Variants in ATP13A3 observed in about 807,000 individuals in gnomAD.
ATP13A3 encodes the protein polyamine-transporting ATPase 13A3.
A neutral mutation model predicts 158.1 loss-of-function variants in ATP13A3; 59 were observed. That is an observed-to-expected ratio of 0.37 (90% CI 0.30 to 0.46). The LOEUF (loss-of-function observed/expected upper bound fraction) is 0.46. ATP13A3 is among the 20% of genes least tolerant of loss of function. The probability of loss-of-function intolerance (pLI) is 1.00; values close to 1 mark genes in which losing one functional copy is unlikely to be tolerated. For synonymous variants in ATP13A3, 491 were observed against 504.3 expected (o/e 0.97, Z 0.35); for missense variants, 1,166 against 1,525.2 (o/e 0.76, Z 3.92).
chr3:194,430,542 C>T (rs530149744), intron 24 of ATP13A3, among the ~76,000 whole-genome samples: 99 of 152,276 alleles, frequency 6.5e-4, no homozygotes, highest in African/African-American at 2.2e-3. Flanking sequence ...GTCACATTAT[C>T]GGCAAATCAT....
chr3:194,458,068 G>A (rs1018458042), intron 6 of ATP13A3, among the ~76,000 whole-genome samples: 3 of 151,998 alleles, frequency 2.0e-5, no homozygotes, highest in African/African-American at 7.2e-5. Flanking sequence ...TTACAGGCAT[G>A]AGCCACCACC....
chr3:194,492,411 A>G (rs1721156674), intron 2 of ATP13A3, among the ~76,000 whole-genome samples: 1 of 152,128 alleles, frequency 6.6e-6, no homozygotes, highest in Non-Finnish European at 1.5e-5. Context: ...AGTTTCTTGG[A>G]TAAAAGGGTA....
Position 194,457,082 on chromosome 3 carries a change from G to A in ATP13A3, c.560+12C>T. On this transcript the variant is annotated intron_variant, in intron 7 of 33. Coordinates refer to ENST00000645319, the MANE Select transcript of ATP13A3 (RefSeq NM_001367549.1). ...TTTTGAGAAGATCTAACTTTAGTTG[G>A]ATAAAAATTACCTGTAGGCATGCAT... 3 of 1,601,624 alleles carry A rather than the reference G, an allele frequency of 1.9e-6. No homozygotes were observed. Among genetic ancestry groups the A allele is most frequent in the Non-Finnish European group, 2.6e-6 (3 of 1,170,514 alleles).
At chr3:194,435,006 AAGG>A (rs1431351212) in intron 20 of ATP13A3, among the ~76,000 whole-genome samples, 1 of 152,204 alleles carries the variant, frequency 6.6e-6, no homozygotes, top group Non-Finnish European at 1.5e-5. Flanking sequence ...CTCAATGGGG[AAGG>A]AGGAGGGTCT....
intron 2 of ATP13A3, among the ~76,000 whole-genome samples, chr3:194,477,374 G>C (rs1200321446): frequency 6.6e-6 from 1 of 152,200 alleles, no homozygotes; most frequent in Non-Finnish European, 1.5e-5. Flanking sequence ...GGCAAGACTG[G>C]GTGAAGGAGG....
Position 194,455,925 on chromosome 3 carries a change from CT to C in ATP13A3, c.597del (p.Val200CysfsTer8). 6.4e-7 allele frequency: 1 copy of C among 1,554,500 alleles called. No homozygotes were observed. ...LLYGVNEIAV[K>X]VPSVFKLLIK... The stretch of plus-strand genomic sequence containing the variant: ...ATTAGAAGCTTAAAAACAGAAGGCA[CT>C]TTTACAGCAATTTCATTTACTCCAT... On this transcript the variant is annotated frameshift_variant, in exon 8 of 34. Coordinates refer to ENST00000645319, the MANE Select transcript of ATP13A3 (RefSeq NM_001367549.1). LOFTEE classifies it high-confidence loss of function.
At chr3:194,462,312 T>C (rs957551024) in intron 2 of ATP13A3, 76 bp from the exon 3 acceptor site, 1 of 1,014,688 alleles carries the variant, frequency 9.9e-7, no homozygotes, top group Non-Finnish European at 1.5e-6. Flanking sequence ...TTCTATCAAC[T>C]GTCTATTATA....
rs568092644 is a variant in ATP13A3, at chr3:194,459,650, T to C, written c.409-109A>G. 10 of 1,105,342 alleles carry C rather than the reference T, an allele frequency of 9.0e-6. No individual in the cohort carries two copies. The South Asian group carries it at 9.8e-5, about 11-fold the overall frequency. The allele number at this position is 1,105,342 out of a possible 1,614,324, so 68.5% of individuals were successfully genotyped here. ...ATAGGATTATATATAGCATTATATA[T>C]AGTAATATGTAATATTTTATATGCA... On this transcript the variant is annotated intron_variant, in intron 5 of 33. Transcript: ENST00000645319.
Position 194,478,855 on chromosome 3 carries a change from G to C in ATP13A3, c.-47+6939C>G, listed in dbSNP as rs192417451. ...TGTAAGAGAGAAGAACTCATTCATCGATGTCTCCCCAGCATCCAGCCCTGT... is the reference window on the plus strand; with the variant it reads ...TGTAAGAGAGAAGAACTCATTCATCCATGTCTCCCCAGCATCCAGCCCTGT... On this transcript the variant is annotated intron_variant, in intron 2 of 33. Transcript: ENST00000645319. 1.1e-3 allele frequency among the ~76,000 whole-genome samples: 163 copies of C among 152,196 alleles called. 1 individual carries two copies. Among genetic ancestry groups the C allele is most frequent in the Admixed American group, 9.9e-3 (152 of 15,294 alleles).
At chr3:194,420,124 G>T (rs1716186259) in intron 30 of ATP13A3, 157 bp from the exon 31 acceptor site, 1 of 744,792 alleles carries the variant, frequency 1.3e-6, no homozygotes, top group Non-Finnish European at 1.9e-6. Context: ...ATCTCCTGGA[G>T]TATGAGACAT....
intron 30 of ATP13A3, 72 bp from the exon 31 acceptor site, chr3:194,420,039 C>T: frequency 7.1e-7 from 1 of 1,402,302 alleles, no homozygotes; most frequent in Admixed American, 3.4e-5. Context: ...CCAATAACAG[C>T]TGGTATACTG....
intron 26 of ATP13A3, 124 bp downstream of exon 26, chr3:194,429,948 T>G: frequency 2.0e-6 from 2 of 1,014,226 alleles, no homozygotes; most frequent in Non-Finnish European, 2.9e-6. Flanking sequence ...TACTAATAAG[T>G]TACAGCTCAA....
At chr3:194,421,141 A>ATATATATATATAGTT (rs1560074905) in intron 30 of ATP13A3, among the ~76,000 whole-genome samples, 2 of 46,170 alleles carry the variant, frequency 4.3e-5, no homozygotes, top group African/African-American at 1.9e-4. Flanking sequence ...TATATAGTAT[A>ATATATATATATAGTT]TATATATATA....
intron 30 of ATP13A3, among the ~76,000 whole-genome samples, chr3:194,422,137 A>G (rs1285360345): frequency 6.6e-6 from 1 of 152,126 alleles, no homozygotes; most frequent in Non-Finnish European, 1.5e-5. Flanking sequence ...GAGGAAAAAA[A>G]AAAGGCACTA....
intron 30 of ATP13A3, among the ~76,000 whole-genome samples, chr3:194,425,117 C>T (rs145437497): frequency 3.2e-3 from 481 of 152,316 alleles, no homozygotes; most frequent in African/African-American, 1.0e-2. Flanking sequence ...GCCAGAGGCA[C>T]TATGATGTGA....
At chr3:194,406,513 C>G (rs1342336502) in intron 33 of ATP13A3, among the ~76,000 whole-genome samples, 2 of 151,994 alleles carry the variant, frequency 1.3e-5, no homozygotes, top group Non-Finnish European at 2.9e-5. Flanking sequence ...TTTTATATAC[C>G]TATACTCTTG....
chr3:194,484,881 C>T (rs983854596), intron 2 of ATP13A3, among the ~76,000 whole-genome samples: 3 of 151,974 alleles, frequency 2.0e-5, no homozygotes, highest in Non-Finnish European at 4.4e-5. Context: ...CGTGGTGAAA[C>T]CCTGTCTCTA....
Position 194,443,070 on chromosome 3 carries a change from A to C in ATP13A3, c.1560-1609T>G, listed in dbSNP as rs532492166. Among the ~76,000 whole-genome samples, 4 of 152,296 alleles carry C rather than the reference A, an allele frequency of 2.6e-5. No homozygotes were observed. In the East Asian group the frequency reaches 7.7e-4, roughly 29 times the overall value. ...AAAAAAAAGAGTGACAGTGAAACAA[A>C]GCAAATGAATGTAGTTACAGAAGAT... On this transcript the variant is annotated intron_variant, in intron 15 of 33. Transcript: ENST00000645319.
At chr3:194,437,014 A>C (rs1717691328) in intron 20 of ATP13A3, 81 bp downstream of exon 20, 4 of 1,450,802 alleles carry the variant, frequency 2.8e-6, no homozygotes, top group Non-Finnish European at 3.8e-6. Context: ...TAAATACTCA[A>C]TTACATGCAA....
Sources: gnomAD v4.1 joint callset for allele counts (sites outside exome capture counted in the v4.1 genomes callset) on GRCh38, gnomAD v4.1.1 for gene constraint, MANE v1.5 for transcripts, NCBI Gene and HGNC (gene_info 2026-07-23, HGNC 2026-07-21) for gene names.